The following CCBE1 variants were observed in gnomAD, a reference collection of about 807,000 sequenced individuals.
The protein encoded by CCBE1 is collagen and calcium-binding EGF domain-containing protein 1.
A neutral mutation model predicts 50.0 loss-of-function variants in CCBE1; 37 were observed. The observed-to-expected ratio is 0.74, with a 90% CI of 0.57 to 0.97. The LOEUF is 0.97. CCBE1 is among the 50% of genes least tolerant of loss of function. The pLI, the probability that CCBE1 is intolerant of heterozygous loss-of-function variation, is 0.00. For missense variants in CCBE1, 538 were observed against 523.8 expected (o/e 1.03, Z -0.26); for synonymous variants, 234 against 203.7 (o/e 1.15, Z -1.27).
intron 2 of CCBE1, among the ~76,000 whole-genome samples, chr18:59,590,059 T>C (rs1031984744): frequency 2.0e-5 from 3 of 152,144 alleles, no homozygotes; most frequent in Non-Finnish European, 2.9e-5. Flanking sequence ...CATCTTTACT[T>C]ACCTTTCTTA....
intron 2 of CCBE1, among the ~76,000 whole-genome samples, chr18:59,598,101 C>G (rs1264995927): frequency 6.6e-6 from 1 of 152,178 alleles, no homozygotes; most frequent in Non-Finnish European, 1.5e-5. Context: ...ATCATGCCCT[C>G]ATCTTCCAGT....
chr18:59,670,037 T>G (rs2054410951), intron 2 of CCBE1, among the ~76,000 whole-genome samples: 1 of 152,156 alleles, frequency 6.6e-6, no homozygotes, highest in Admixed American at 6.6e-5. Context: ...ACAGGGCTGA[T>G]GCAATCATGG....
intron 2 of CCBE1, among the ~76,000 whole-genome samples, chr18:59,490,048 G>A (rs981747403): frequency 2.1e-5 from 3 of 144,374 alleles, no homozygotes; most frequent in Non-Finnish European, 4.5e-5. Flanking sequence ...GTGCAGTGGC[G>A]TGATCTTGGC....
intron 2 of CCBE1, among the ~76,000 whole-genome samples, chr18:59,683,163 T>C (rs928474127): frequency 3.3e-5 from 5 of 152,172 alleles, no homozygotes; most frequent in African/African-American, 1.2e-4. Flanking sequence ...ATTAGAACCC[T>C]AAAGAGTGTG....
chr18:59,627,457 C>T (rs762484315), intron 2 of CCBE1, among the ~76,000 whole-genome samples: 2 of 152,198 alleles, frequency 1.3e-5, no homozygotes, highest in East Asian at 1.9e-4. Context: ...CCCAAAAAGA[C>T]ATATCCAAGT....
chr18:59,680,089 C>T (rs565173927), intron 2 of CCBE1, among the ~76,000 whole-genome samples: 17 of 152,004 alleles, frequency 1.1e-4, no homozygotes, highest in African/African-American at 3.6e-4. Context: ...GGCATGGTGG[C>T]GCATGCCTGT....
intron 2 of CCBE1, among the ~76,000 whole-genome samples, chr18:59,562,454 C>T (rs189960629): frequency 2.0e-4 from 30 of 151,528 alleles, no homozygotes; most frequent in Admixed American, 1.6e-3. Flanking sequence ...AGACAACAGA[C>T]CTTGTGGCTC....
chr18:59,513,594 C>A (rs1914232482), intron 2 of CCBE1, among the ~76,000 whole-genome samples: 1 of 152,198 alleles, frequency 6.6e-6, no homozygotes, highest in African/African-American at 2.4e-5. Flanking sequence ...TCAAGGAAGA[C>A]AGGGGTGATC....
intron 2 of CCBE1, among the ~76,000 whole-genome samples, chr18:59,497,174 G>T (rs1163822219): frequency 6.6e-6 from 1 of 152,046 alleles, no homozygotes; most frequent in Non-Finnish European, 1.5e-5. Flanking sequence ...TCAATACAGG[G>T]GTTTAAGTAT....
chr18:59,641,467 G>A (rs559244692), intron 2 of CCBE1, among the ~76,000 whole-genome samples: 11 of 151,984 alleles, frequency 7.2e-5, no homozygotes, highest in Admixed American at 2.0e-4. Flanking sequence ...GTGGGAGGAG[G>A]GTGAGGACCG....
At chr18:59,528,763 C>T (rs1914929790) in intron 2 of CCBE1, among the ~76,000 whole-genome samples, 1 of 152,142 alleles carries the variant, frequency 6.6e-6, no homozygotes, top group Admixed American at 6.5e-5. Context: ...CCCTATTTGC[C>T]TGGGTTCCTC....
At chr18:59,469,699 G>T in intron 3 of CCBE1, 92 bp from the exon 4 acceptor site, 1 of 1,534,410 alleles carries the variant, frequency 6.5e-7, no homozygotes, top group Non-Finnish European at 9.0e-7. Flanking sequence ...GCTGGGCTCT[G>T]CTCAAGGGCA....
intron 2 of CCBE1, among the ~76,000 whole-genome samples, chr18:59,526,366 G>A (rs1288473685): frequency 6.7e-6 from 1 of 149,482 alleles, no homozygotes; most frequent in Admixed American, 6.7e-5. Context: ...CTGGAGTGCA[G>A]TGGCACCATC....
intron 3 of CCBE1, among the ~76,000 whole-genome samples, chr18:59,470,225 T>C (rs1789482): frequency 0.43 from 65,659 of 152,046 alleles, 14,312 homozygotes; most frequent in South Asian, 0.51. Flanking sequence ...GGAGCAAAGC[T>C]GCTTCTTACA....
At chr18:59,496,692 C>A (rs1462089825) in intron 2 of CCBE1, among the ~76,000 whole-genome samples, 1 of 152,230 alleles carries the variant, frequency 6.6e-6, no homozygotes, top group African/African-American at 2.4e-5. Flanking sequence ...GAGACTCAGG[C>A]AGTCCAGGCA....
intron 2 of CCBE1, among the ~76,000 whole-genome samples, chr18:59,669,157 T>C (rs1219138587): frequency 6.6e-6 from 1 of 152,100 alleles, no homozygotes; most frequent in African/African-American, 2.4e-5. Flanking sequence ...CTTATAAAGA[T>C]GAAGTATTGC....
intron 2 of CCBE1, among the ~76,000 whole-genome samples, chr18:59,485,150 T>C (rs1003282505): frequency 6.6e-6 from 1 of 152,232 alleles, no homozygotes. Context: ...TCTCATTTCT[T>C]GGCAAGGGGA....
chr18:59,591,833 T>C (rs1190788201), intron 2 of CCBE1, among the ~76,000 whole-genome samples: 4 of 152,200 alleles, frequency 2.6e-5, no homozygotes, highest in Admixed American at 2.6e-4. Context: ...ACAATAAAAA[T>C]GTGTGTGCAC....
intron 7 of CCBE1, among the ~76,000 whole-genome samples, chr18:59,445,350 G>GAAA: frequency 6.6e-6 from 1 of 152,166 alleles, no homozygotes; most frequent in Non-Finnish European, 1.5e-5. Flanking sequence ...GATAGTCCTG[G>GAAA]ATACATAGTG....
Sources: allele counts gnomAD v4.1 joint callset (sites outside exome capture counted in the v4.1 genomes callset), GRCh38; gene constraint gnomAD v4.1.1; transcripts MANE v1.5; gene names NCBI Gene and HGNC (gene_info 2026-07-23, HGNC 2026-07-21).